The following MED17 variants were observed in gnomAD, a reference collection of about 807,000 sequenced individuals.
MED17 encodes the protein mediator of RNA polymerase II transcription subunit 17.
A neutral mutation model predicts 80.8 loss-of-function variants in MED17; 49 were observed. The ratio of observed to expected loss-of-function variants is 0.61; its 90% CI spans 0.48 to 0.77. MED17 has a LOEUF of 0.77. Ranked by LOEUF, MED17 falls within the 30% of genes least tolerant of loss-of-function variation. The probability of loss-of-function intolerance (pLI) is 0.00; values close to 1 mark genes in which losing one functional copy is unlikely to be tolerated. For synonymous variants in MED17, 281 were observed against 280.4 expected (o/e 1.00, Z -0.02); for missense variants, 718 against 787.0 (o/e 0.91, Z 1.05).
chr11:93,810,170 T>C, intron 11 of MED17: 2 of 381,536 alleles, frequency 5.2e-6, no homozygotes, highest in Non-Finnish European at 4.9e-6. Context: ...ATAAAAACTT[T>C]AAAAAAAATA....
At chr11:93,811,781 T>A (rs143143007) in intron 11 of MED17, 72 bp from the exon 12 acceptor site, 2 of 1,314,532 alleles carry the variant, frequency 1.5e-6, no homozygotes, top group Non-Finnish European at 2.2e-6. Flanking sequence ...TAGAATGGAG[T>A]TGTGGGATTT....
Position 93,796,488 on chromosome 11 carries a change from CG to C in MED17, c.1093del (p.Glu365ArgfsTer7). 6.2e-7 allele frequency: 1 copy of C among 1,613,862 alleles called. No homozygotes were observed. Among genetic ancestry groups the C allele is most frequent in the Non-Finnish European group, 8.5e-7 (1 of 1,179,826 alleles). ...SQKFATEKQC[P>X]EDHLYVLEHN... ...AAATTTGCTACTGAGAAGCAATGTC[CG>C]GAGGACCACCTTTATGTCCTAGAGC... On this transcript the variant is annotated frameshift_variant, in exon 7 of 12. Coordinates refer to ENST00000251871, the MANE Select transcript of MED17 (RefSeq NM_004268.5). LOFTEE classifies it high-confidence loss of function.
intron 3 of MED17, among the ~76,000 whole-genome samples, chr11:93,791,238 T>C (rs1943833605): frequency 6.6e-6 from 1 of 152,258 alleles, no homozygotes; most frequent in African/African-American, 2.4e-5. Context: ...ACCACTCTTA[T>C]CAGAACCTTA....
At position 93,814,658 on chromosome 11, in the gene MED17, A is replaced by C. The variant is rs564642038; in HGVS notation, c.*2594A>C. Reference sequence around the variant, plus strand: ...AGTACTACATAAATATAAAGCATTAAGCAAGTGTGCTTCTAAGAGTCAAGC... The same window carrying C: ...AGTACTACATAAATATAAAGCATTACGCAAGTGTGCTTCTAAGAGTCAAGC... On this transcript the variant is annotated 3_prime_UTR_variant, in exon 12 of 12. Transcript: ENST00000251871. The C allele has an allele frequency of 4.6e-5, 7 of 152,354 alleles. No individual in the cohort carries two copies. Among genetic ancestry groups the C allele is most frequent in the Admixed American group, 2.6e-4 (4 of 15,312 alleles). 9.4% of individuals were successfully genotyped at this position (152,354 alleles called of 1,614,324 possible). A position where few individuals can be genotyped will look rare whatever the true frequency, so the allele number is the denominator to read the frequency against.
In MED17 at chr11:93,796,428, C is replaced by G. The variant is rs1382741947; in HGVS notation, c.1031C>G (p.Ser344Cys). The change falls in exon 7 of 12, where the codon TCT (serine) becomes TGT (cysteine). Residue 344 changes from serine to cysteine, a missense_variant. Coordinates refer to ENST00000251871, the MANE Select transcript of MED17 (RefSeq NM_004268.5). Reference protein sequence around the residue: ...QPFPSLQLSISLCHSSNDKKS... With the variant: ...QPFPSLQLSICLCHSSNDKKS... ...TAAATAGGCTTGCAGTTATCTATTT[C>G]TTTGTGCCATTCCTCAAATGATAAG... The G allele has an allele frequency of 1.9e-6, 3 of 1,612,840 alleles. No homozygotes were observed. The highest frequency in any genetic ancestry group is 2.5e-6 in the Non-Finnish European group (3 of 1,178,928).
rs567872363 is a variant in MED17 at position 93,813,041 on chromosome 11, A to C, written c.*977A>C. ...TTCCATCAGCTCTCTGCTTTTTCAA[A>C]GCGAAAAAACTAATGGATTAGTGGG... On this transcript the variant is annotated 3_prime_UTR_variant, in exon 12 of 12. Transcript: ENST00000251871. The C allele has an allele frequency of 1.3e-5, 2 of 152,284 alleles. No individual in the cohort carries two copies. The highest frequency in any genetic ancestry group is 4.1e-4 in the South Asian group (2 of 4,826). The allele number at this position is 152,284 out of a possible 1,614,324, so 9.4% of individuals were successfully genotyped here.
chr11:93,794,781 GA>G, intron 5 of MED17, 126 bp from the exon 6 acceptor site: 39 of 1,031,600 alleles, frequency 3.8e-5, no homozygotes, highest in Non-Finnish European at 4.9e-5. Context: ...GACTGAATAG[GA>G]AAAAAAAGAA....
At chr11:93,801,498 C>CT in intron 8 of MED17, 1 of 310,776 alleles carries the variant, frequency 3.2e-6, no homozygotes, top group South Asian at 3.2e-5. Flanking sequence ...TAGGTTTATA[C>CT]CGTAGAATAT....
chr11:93,812,407 C>T lies in MED17; in HGVS notation c.*343C>T. ...AATAAAGTATGTGGTTTAAAAAAAT[C>T]TCCAAATACCTTTTTTTCCCCCCAA... On this transcript the variant is annotated 3_prime_UTR_variant, in exon 12 of 12. Coordinates refer to ENST00000251871, the MANE Select transcript of MED17 (RefSeq NM_004268.5). The T allele has an allele frequency of 4.1e-6, 2 of 491,628 alleles. No homozygotes were observed. The highest frequency in any genetic ancestry group is 7.1e-6 in the Non-Finnish European group (2 of 283,594). The allele number at this position is 491,628 out of a possible 1,614,324, so 30.5% of individuals were successfully genotyped here.
intron 10 of MED17, chr11:93,808,316 T>C (rs1944047847): frequency 6.8e-6 from 1 of 146,938 alleles, no homozygotes; most frequent in Non-Finnish European, 1.5e-5. Context: ...TGAGCTATAA[T>C]TGGTCCCACT....
intron 1 of MED17, chr11:93,784,995 C>G: frequency 1.6e-6 from 1 of 622,396 alleles, no homozygotes; most frequent in South Asian, 2.0e-5. Flanking sequence ...TTTAGAGACA[C>G]TGTCAAACCG....
intron 5 of MED17, 110 bp from the exon 6 acceptor site, chr11:93,794,798 C>T (rs1462106397): frequency 1.1e-5 from 13 of 1,167,432 alleles, no homozygotes; most frequent in South Asian, 1.3e-5. Flanking sequence ...AAGAATATAC[C>T]GTAATGTAGT....
At chr11:93,810,007 T>C (rs1591392050) in intron 11 of MED17, 131 bp downstream of exon 11, 2 of 902,526 alleles carry the variant, frequency 2.2e-6, no homozygotes, top group East Asian at 4.9e-5. Flanking sequence ...TTACACCGAA[T>C]GTTTATTTGA....
intron 1 of MED17, among the ~76,000 whole-genome samples, chr11:93,785,278 A>G (rs546028473): frequency 1.3e-5 from 2 of 152,348 alleles, no homozygotes; most frequent in South Asian, 4.1e-4. Flanking sequence ...TGTTAAGACC[A>G]CTGAAAGCTT....
At chr11:93,799,983 T>C (rs1304544893) in intron 8 of MED17, among the ~76,000 whole-genome samples, 1 of 152,148 alleles carries the variant, frequency 6.6e-6, no homozygotes, top group African/African-American at 2.4e-5. Context: ...TCATTTAATA[T>C]TGTATTGTAA....
intron 9 of MED17, among the ~76,000 whole-genome samples, chr11:93,804,276 C>T (rs1342616360): frequency 6.6e-6 from 1 of 151,952 alleles, no homozygotes; most frequent in Admixed American, 6.6e-5. Context: ...TGTTTATATT[C>T]TAGCCCCACT....
At chr11:93,804,026 T>TATATATAC (rs1240355155) in intron 9 of MED17, among the ~76,000 whole-genome samples, 2 of 11,308 alleles carry the variant, frequency 1.8e-4, no homozygotes, top group African/African-American at 3.0e-4. Flanking sequence ...TATATATATA[T>TATATATAC]ACACACACAC....
chr11:93,797,393 A>C, intron 7 of MED17, 142 bp from the exon 8 acceptor site: 1 of 775,428 alleles, frequency 1.3e-6, no homozygotes, highest in Non-Finnish European at 2.2e-6. Context: ...AGTAGTTGCT[A>C]GCATTTTTCT....
chr11:93,784,940 C>T (rs1289052250), intron 1 of MED17, 177 bp downstream of exon 1: 3 of 890,850 alleles, frequency 3.4e-6, no homozygotes, highest in Non-Finnish European at 5.0e-6. Flanking sequence ...CAAGGTAGGA[C>T]ACGACTTTAC....
Sources: allele counts gnomAD v4.1 joint callset (sites outside exome capture counted in the v4.1 genomes callset), GRCh38; gene constraint gnomAD v4.1.1; transcripts MANE v1.5; gene names NCBI Gene and HGNC (gene_info 2026-07-23, HGNC 2026-07-21).